PCNX1: variants seen among roughly 807,000 people sequenced by gnomAD.
The protein encoded by PCNX1 is pecanex 1, also known as pecanex-like protein 1.
In PCNX1, 78 loss-of-function variants were observed where a neutral mutation model predicts 242.2. The ratio of observed to expected loss-of-function variants is 0.32; its 90% CI spans 0.27 to 0.39. PCNX1 has a LOEUF of 0.39. Ranked by LOEUF, PCNX1 falls within the 10% of genes least tolerant of loss-of-function variation. The pLI is 1.00. For synonymous variants in PCNX1, 1,024 were observed against 1,032.9 expected (o/e 0.99, Z 0.17); for missense variants, 2,581 against 2,856.5 (o/e 0.90, Z 2.20).
At chr14:70,947,228 G>A (rs185016017) in intron 2 of PCNX1, 105 bp downstream of exon 2, 6 of 856,668 alleles carry the variant, frequency 7.0e-6, no homozygotes, top group Admixed American at 6.5e-5. Flanking sequence ...TGGTTTTAAG[G>A]CAGTGTTAGA....
chr14:70,990,314 C>T (rs2059126522), intron 7 of PCNX1, among the ~76,000 whole-genome samples: 1 of 151,838 alleles, frequency 6.6e-6, no homozygotes, highest in Non-Finnish European at 1.5e-5. Context: ...GTAATCCCAG[C>T]ACTTTGGGAG....
In PCNX1 at chr14:70,978,106, A is replaced by G. The variant is rs750243886; in HGVS notation, c.1769A>G (p.Lys590Arg). Residue 590 changes from lysine (K) to arginine (R), a missense_variant, in exon 6 of 36, where the codon AAG (lysine) becomes AGG (arginine). Physicochemically the swap from Lys to Arg is conservative, Grantham distance 26 (BLOSUM62 2). Around this residue, in one of 9 missense-constraint regions of PCNX1, gnomAD observed 1,204 missense variants for 1,216.7 expected, o/e 0.99. Transcript: ENST00000304743. ...YVCFRGVSGT[K>R]PHSAIFCHDE... ...TGCTTTCGAGGTGTTTCTGGTACCA[A>G]GCCACACAGTGCTATATTTTGTCAT... 4 of 1,614,060 alleles carry G rather than the reference A, an allele frequency of 2.5e-6. No homozygotes were observed. Among genetic ancestry groups the G allele is most frequent in the Non-Finnish European group, 8.5e-7 (1 of 1,180,036 alleles).
At chr14:70,937,848 A>G (rs914844502) in intron 1 of PCNX1, among the ~76,000 whole-genome samples, 3 of 152,202 alleles carry the variant, frequency 2.0e-5, no homozygotes, top group Non-Finnish European at 4.4e-5. Context: ...GAGGTCCTTC[A>G]CATCCCTTGT....
Position 71,009,652 on chromosome 14 carries a change from T to A in PCNX1, c.2648T>A (p.Leu883Gln), listed in dbSNP as rs1172842141. 1 of 1,593,550 alleles carries A rather than the reference T, an allele frequency of 6.3e-7. No homozygotes were observed. Among genetic ancestry groups the A allele is most frequent in the Non-Finnish European group, 8.6e-7 (1 of 1,165,374 alleles). Residue 883 changes from leucine to glutamine, a missense_variant, in exon 9 of 36, where the codon CTG (leucine) becomes CAG (glutamine). By Grantham distance (113) the Leu-to-Gln change is moderately radical. Transcript: ENST00000304743. ...HDELGKFSST[L>Q]YETGGCDMSL... ...TTGCTAGGTAAGTTCTCTTCTACGC[T>A]GTATGAGACTGGTGGCTGTGATATG...
At chr14:71,070,074 A>C (rs2061552249) in intron 26 of PCNX1, among the ~76,000 whole-genome samples, 1 of 152,208 alleles carries the variant, frequency 6.6e-6, no homozygotes, top group African/African-American at 2.4e-5. Context: ...CAACATCTTC[A>C]CTTAGGAGTC....
chr14:71,104,589 G>A (rs1235090953), intron 32 of PCNX1, among the ~76,000 whole-genome samples: 1 of 151,976 alleles, frequency 6.6e-6, no homozygotes, highest in East Asian at 1.9e-4. Context: ...GGTTTTCAGG[G>A]GTTACATACT....
chr14:70,949,439 G>GTATA (rs1355740565), intron 2 of PCNX1, among the ~76,000 whole-genome samples: 1 of 150,676 alleles, frequency 6.6e-6, no homozygotes, highest in African/African-American at 2.4e-5. Context: ...GTATATATGT[G>GTATA]TATATATGTA....
intron 8 of PCNX1, among the ~76,000 whole-genome samples, chr14:70,998,899 A>G (rs1466500179): frequency 1.3e-5 from 2 of 152,054 alleles, no homozygotes; most frequent in Non-Finnish European, 2.9e-5. Flanking sequence ...TTTGGAAATG[A>G]TATTTCTATC....
intron 19 of PCNX1, 84 bp downstream of exon 19, chr14:71,036,241 C>G (rs1566730082): frequency 2.3e-6 from 2 of 851,284 alleles, no homozygotes; most frequent in South Asian, 1.4e-5. Flanking sequence ...TGCAGTGTTG[C>G]GATCACAGTT....
At chr14:71,032,316 T>C (rs998106860) in intron 16 of PCNX1, among the ~76,000 whole-genome samples, 3 of 152,240 alleles carry the variant, frequency 2.0e-5, no homozygotes, top group African/African-American at 7.2e-5. Flanking sequence ...CTTAAGATAT[T>C]AACTTTCTTT....
At chr14:70,993,748 A>C (rs1261662531) in intron 7 of PCNX1, among the ~76,000 whole-genome samples, 1 of 152,186 alleles carries the variant, frequency 6.6e-6, no homozygotes, top group Non-Finnish European at 1.5e-5. Context: ...GTGTCTTCTG[A>C]ATCGGAAGGG....
At chr14:70,909,548 G>T (rs1405768981) in intron 1 of PCNX1, among the ~76,000 whole-genome samples, 1 of 152,158 alleles carries the variant, frequency 6.6e-6, no homozygotes, top group Non-Finnish European at 1.5e-5. Flanking sequence ...AACTGAAAAT[G>T]ATTTTTGAGA....
chr14:71,084,156 T>C (rs2061925537), intron 28 of PCNX1, among the ~76,000 whole-genome samples: 1 of 152,208 alleles, frequency 6.6e-6, no homozygotes. Context: ...AGACCTTGTT[T>C]GCCTGGGTAT....
intron 1 of PCNX1, among the ~76,000 whole-genome samples, chr14:70,927,010 G>A (rs1477729584): frequency 1.3e-5 from 2 of 152,148 alleles, no homozygotes; most frequent in Non-Finnish European, 2.9e-5. Context: ...CCGCTTACCA[G>A]CTGTGGGCAT....
intron 1 of PCNX1, among the ~76,000 whole-genome samples, chr14:70,924,217 G>A (rs1409354613): frequency 7.9e-6 from 1 of 127,072 alleles, no homozygotes; most frequent in African/African-American, 3.0e-5. Flanking sequence ...GGGTGACACA[G>A]AGTGAGACTG....
At chr14:71,018,534 T>C (rs950865210) in intron 11 of PCNX1, among the ~76,000 whole-genome samples, 1 of 152,134 alleles carries the variant, frequency 6.6e-6, no homozygotes, top group South Asian at 2.1e-4. Flanking sequence ...GACTGAGAGA[T>C]GGGGGAAGCG....
chr14:70,908,103 G>T (rs1025749751), intron 1 of PCNX1, 100 bp downstream of exon 1: 2 of 1,147,698 alleles, frequency 1.7e-6, no homozygotes. Context: ...CTCGTCCCCC[G>T]GGGGCCGCCA....
rs773845544 is a variant in PCNX1 at position 71,109,947 on chromosome 14, T to C, written c.*12T>C. Reference sequence around the variant, plus strand: ...GGGCTGAAGTGTGAGCCAGTGTTTATTATAAAGACATTTCTTTTTCCCTCT... The same window carrying C: ...GGGCTGAAGTGTGAGCCAGTGTTTACTATAAAGACATTTCTTTTTCCCTCT... On this transcript the variant is annotated 3_prime_UTR_variant, in exon 36 of 36. Transcript: ENST00000304743. The C allele has an allele frequency of 1.9e-6, 3 of 1,611,554 alleles. No homozygotes were observed. Among genetic ancestry groups the C allele is most frequent in the South Asian group, 1.1e-5 (1 of 91,016 alleles).
chr14:71,069,407 A>G (rs2061535849), intron 26 of PCNX1, among the ~76,000 whole-genome samples: 1 of 152,232 alleles, frequency 6.6e-6, no homozygotes, highest in Non-Finnish European at 1.5e-5. Flanking sequence ...CTCTCAAAAG[A>G]TGTCAGAAGA....
Sources: allele counts gnomAD v4.1 joint callset (sites outside exome capture counted in the v4.1 genomes callset), GRCh38; gene constraint gnomAD v4.1.1; regional missense constraint gnomAD v4.1.1; transcripts MANE v1.5; gene names NCBI Gene and HGNC (gene_info 2026-07-23, HGNC 2026-07-21).